GCSAML: variants seen among roughly 807,000 people sequenced by gnomAD.
The protein encoded by GCSAML is germinal center-associated signaling and motility-like protein.
Under a neutral mutation model 13.0 loss-of-function variants are expected in GCSAML, and 9 were observed. The observed-to-expected ratio is 0.69, with a 90% CI of 0.42 to 1.21. GCSAML has a LOEUF of 1.21. Ranked by LOEUF, GCSAML falls within the 50% of genes most tolerant of loss-of-function variation. The pLI, the probability that GCSAML is intolerant of heterozygous loss-of-function variation, is 0.00. For synonymous variants in GCSAML, 37 were observed against 52.9 expected, an observed-to-expected ratio of 0.70 and a Z score of 1.31; for missense variants, 143 against 153.4, an observed-to-expected ratio of 0.93 and a Z score of 0.36.
intron 1 of GCSAML, among the ~76,000 whole-genome samples, chr1:247,524,147 T>C (rs189874573): frequency 1.3e-5 from 2 of 152,262 alleles, no homozygotes; most frequent in African/African-American, 4.8e-5. Flanking sequence ...GCATGAAGGC[T>C]TATCATGCCC....
At chr1:247,534,836 G>A (rs1667153303) in intron 2 of GCSAML, among the ~76,000 whole-genome samples, 1 of 152,278 alleles carries the variant, frequency 6.6e-6, no homozygotes, top group South Asian at 2.1e-4. Flanking sequence ...CATTGTGCAT[G>A]TATAGAAATG....
rs969150951 is a variant in GCSAML at position 247,523,174 on chromosome 1, T to G, written c.-262-3766T>G. Among the ~76,000 whole-genome samples, 3 of 152,188 alleles carry G rather than the reference T, an allele frequency of 2.0e-5. 1 individual carries two copies. The highest frequency in any genetic ancestry group is 6.5e-5 in the Admixed American group (1 of 15,278). ...AGATGCCCCTTCAACCTATATACAC[T>G]TTATCTCCTTTGAACCACTGTAGTT... On this transcript the variant is annotated intron_variant, in intron 1 of 5. Transcript: ENST00000366489.
chr1:247,536,342 C>T (rs935302458), intron 2 of GCSAML: 10 of 152,066 alleles, frequency 6.6e-5, no homozygotes, highest in East Asian at 5.8e-4. Context: ...ATCTCTAAGT[C>T]GGTGGTAGCA....
intron 3 of GCSAML, among the ~76,000 whole-genome samples, chr1:247,565,229 G>A (rs1668296569): frequency 1.3e-5 from 2 of 152,036 alleles, no homozygotes; most frequent in South Asian, 4.2e-4. Flanking sequence ...ATGGTGGCAT[G>A]TGCCTGTAGT....
At chr1:247,523,924 T>A (rs1415570173) in intron 1 of GCSAML, among the ~76,000 whole-genome samples, 1 of 151,424 alleles carries the variant, frequency 6.6e-6, no homozygotes, top group Non-Finnish European at 1.5e-5. Flanking sequence ...TTGAAGCAAA[T>A]AATGAAAATA....
At chr1:247,572,087 T>C (rs1318001992) in intron 4 of GCSAML, among the ~76,000 whole-genome samples, 2 of 152,242 alleles carry the variant, frequency 1.3e-5, no homozygotes, top group African/African-American at 4.8e-5. Flanking sequence ...CTAGTTATTC[T>C]AGTTAGCAAT....
intron 2 of GCSAML, 119 bp from the exon 3 acceptor site, chr1:247,563,471 A>T: frequency 1.8e-6 from 1 of 567,116 alleles, no homozygotes; most frequent in South Asian, 2.9e-5. Flanking sequence ...TGTATTTAAT[A>T]TTTGCATGGA....
In GCSAML at chr1:247,574,536, T is replaced by C; in HGVS notation, c.*154T>C. 1 of 732,510 alleles carries C rather than the reference T, an allele frequency of 1.4e-6. No homozygotes were observed. The highest frequency in any genetic ancestry group is 2.7e-5 in the East Asian group (1 of 36,852). 45.4% of individuals were successfully genotyped at this position (732,510 alleles called of 1,614,324 possible). ...ATTATATATCCTTAGGCAACTCTGATATGTGGCATCTCTGTGGCTTAGGTG... is the reference window on the plus strand; with the variant it reads ...ATTATATATCCTTAGGCAACTCTGACATGTGGCATCTCTGTGGCTTAGGTG... On this transcript the variant is annotated 3_prime_UTR_variant, in exon 5 of 5. Transcript: ENST00000366488.
intron 1 of GCSAML, among the ~76,000 whole-genome samples, chr1:247,555,388 T>G (rs1667914584): frequency 6.6e-6 from 1 of 152,248 alleles, no homozygotes. Flanking sequence ...CATCCAGATT[T>G]GACTGTGATC....
At chr1:247,509,306 T>C (rs575882892) in intron 1 of GCSAML, among the ~76,000 whole-genome samples, 1 of 152,338 alleles carries the variant, frequency 6.6e-6, no homozygotes, top group South Asian at 2.1e-4. Flanking sequence ...GGCTCTCTGT[T>C]TGTCTATTAT....
At chr1:247,552,609 T>G (rs1667812748) in intron 1 of GCSAML, among the ~76,000 whole-genome samples, 1 of 152,250 alleles carries the variant, frequency 6.6e-6, no homozygotes, top group South Asian at 2.1e-4. Context: ...GATTTAGTTC[T>G]TTGAAGACTT....
At chr1:247,574,112 C>T (rs778679982) in intron 4 of GCSAML, 31 bp from the exon 5 acceptor site, 21 of 1,611,668 alleles carry the variant, frequency 1.3e-5, no homozygotes, top group Admixed American at 1.7e-5. Flanking sequence ...GACCGTGGAT[C>T]CTTGATTTCT....
At chr1:247,514,793 T>C (rs1380572833) in intron 1 of GCSAML, among the ~76,000 whole-genome samples, 1 of 152,184 alleles carries the variant, frequency 6.6e-6, no homozygotes, top group Admixed American at 6.5e-5. Context: ...TTAATTACGG[T>C]TTCTTTATTC....
At chr1:247,514,345 T>C (rs1666143234) in intron 1 of GCSAML, among the ~76,000 whole-genome samples, 1 of 152,206 alleles carries the variant, frequency 6.6e-6, no homozygotes, top group African/African-American at 2.4e-5. Flanking sequence ...TCGCACTGAT[T>C]TGAGTTCTTT....
In GCSAML at chr1:247,574,298, A is replaced by G; in HGVS notation, c.324A>G (p.Thr108=). 6.2e-7 allele frequency: 1 copy of G among 1,614,104 alleles called. No individual in the cohort carries two copies. The highest frequency in any genetic ancestry group is 8.5e-7 in the Non-Finnish European group (1 of 1,179,974). ...GACAGTTTAGAGAAAGGTCAGAGAC[A>G]GAATATGCCCTTCTTAGGACTTCTG... The part of the protein sequence containing the change: ...KVRQFRERSE[T]EYALLRTSVS... Residue 108 remains threonine, a synonymous_variant, in exon 5 of 5, where the codon ACA becomes ACG. Coordinates refer to ENST00000366488, the MANE Select transcript of GCSAML (RefSeq NM_145278.5).
chr1:247,529,540 G>A (rs1220824778), intron 2 of GCSAML: 4 of 152,156 alleles, frequency 2.6e-5, no homozygotes, highest in African/African-American at 9.7e-5. Context: ...CATGAGTCCA[G>A]AAACCAACAA....
At chr1:247,551,435 T>C (rs940910250) in intron 1 of GCSAML, among the ~76,000 whole-genome samples, 3 of 152,184 alleles carry the variant, frequency 2.0e-5, no homozygotes, top group African/African-American at 7.2e-5. Context: ...ATGAAGGGCC[T>C]TCAAAGGCAC....
At chr1:247,567,384 G>A (rs1009539809) in intron 4 of GCSAML, among the ~76,000 whole-genome samples, 4 of 151,970 alleles carry the variant, frequency 2.6e-5, no homozygotes, top group African/African-American at 9.7e-5. Flanking sequence ...GTGCCCATGT[G>A]TTCTCATTGT....
At chr1:247,532,084 A>C (rs1331626971) in intron 2 of GCSAML, 2 of 1,614,120 alleles carry the variant, frequency 1.2e-6, no homozygotes, top group Non-Finnish European at 1.7e-6. Flanking sequence ...AGCTAGCCCA[A>C]GGCAAAGCTG....
Sources: gnomAD v4.1 joint callset for allele counts (sites outside exome capture counted in the v4.1 genomes callset) on GRCh38, gnomAD v4.1.1 for gene constraint, MANE v1.5 for transcripts, NCBI Gene and HGNC (gene_info 2026-07-23, HGNC 2026-07-21) for gene names.